Variants in BBS9 observed in about 807,000 individuals in gnomAD.
The protein encoded by BBS9 is protein PTHB1.
In BBS9, 89 loss-of-function variants were observed where a neutral mutation model predicts 117.7. That is an observed-to-expected ratio of 0.76 (90% CI 0.64 to 0.90). The LOEUF is 0.90. BBS9 is among the 40% of genes least tolerant of loss of function. BBS9 has a pLI of 0.00. For synonymous variants in BBS9, 379 were observed against 370.9 expected (o/e 1.02, Z -0.25); for missense variants, 982 against 1,042.2 (o/e 0.94, Z 0.80).
chr7:33,409,351 A>T (rs1213323276), intron 19 of BBS9, among the ~76,000 whole-genome samples: 1 of 152,144 alleles, frequency 6.6e-6, no homozygotes, highest in Non-Finnish European at 1.5e-5. Context: ...ATAGGTAGGG[A>T]TCCAGTTTCA....
intron 5 of BBS9, among the ~76,000 whole-genome samples, chr7:33,193,778 A>T (rs1457579850): frequency 2.0e-5 from 3 of 151,924 alleles, no homozygotes. Flanking sequence ...CTGTCACACT[A>T]CCTGGTTGGT....
intron 1 of BBS9, among the ~76,000 whole-genome samples, chr7:33,134,819 C>T (rs1051170742): frequency 2.0e-5 from 3 of 152,126 alleles, no homozygotes; most frequent in Non-Finnish European, 4.4e-5. Context: ...TCTTCTCAAT[C>T]TCTCAGGCTT....
chr7:33,371,569 G>C (rs1021903791), intron 17 of BBS9, among the ~76,000 whole-genome samples: 4 of 152,148 alleles, frequency 2.6e-5, no homozygotes, highest in Non-Finnish European at 5.9e-5. Context: ...TCATAAGTCC[G>C]TGAAGAAGAG....
chr7:33,228,295 C>T (rs1259164877), intron 5 of BBS9, among the ~76,000 whole-genome samples: 1 of 151,950 alleles, frequency 6.6e-6, no homozygotes, highest in Non-Finnish European at 1.5e-5. Flanking sequence ...ATTGTCTATT[C>T]ATGTCGTTTG....
At chr7:33,491,142 A>T (rs1843840101) in intron 19 of BBS9, among the ~76,000 whole-genome samples, 1 of 152,210 alleles carries the variant, frequency 6.6e-6, no homozygotes, top group Non-Finnish European at 1.5e-5. Context: ...GTAGCCAGGG[A>T]GTATTCTTAG....
intron 7 of BBS9, among the ~76,000 whole-genome samples, chr7:33,271,523 CTG>C (rs1200200131): frequency 6.6e-6 from 1 of 152,120 alleles, no homozygotes; most frequent in Non-Finnish European, 1.5e-5. Context: ...GAAGAAAACT[CTG>C]TGAAGCAAAT....
chr7:33,364,672 C>T (rs1584502599), intron 16 of BBS9, among the ~76,000 whole-genome samples: 1 of 101,494 alleles, frequency 9.9e-6, no homozygotes, highest in Non-Finnish European at 2.0e-5. Context: ...CCTTCCCCCT[C>T]CCATCCTTTC....
At chr7:33,180,749 C>T (rs1381144110) in intron 5 of BBS9, among the ~76,000 whole-genome samples, 1 of 152,146 alleles carries the variant, frequency 6.6e-6, no homozygotes, top group Admixed American at 6.5e-5. Flanking sequence ...CCCATTCTCT[C>T]CTGGAGAACA....
chr7:33,342,656 T>C (rs1816787449), intron 11 of BBS9, among the ~76,000 whole-genome samples: 1 of 152,180 alleles, frequency 6.6e-6, no homozygotes, highest in African/African-American at 2.4e-5. Flanking sequence ...AGTATCATAT[T>C]CATCTCATTG....
At chr7:33,357,118 T>C (rs1330463855) in intron 15 of BBS9, among the ~76,000 whole-genome samples, 4 of 151,804 alleles carry the variant, frequency 2.6e-5, no homozygotes, top group Non-Finnish European at 5.9e-5. Context: ...ATACAAATTC[T>C]AATATGAAAC....
intron 20 of BBS9, 69 bp from the exon 21 acceptor site, chr7:33,533,885 T>C: frequency 6.6e-7 from 1 of 1,506,774 alleles, no homozygotes; most frequent in Non-Finnish European, 9.2e-7. Flanking sequence ...ATAATCTGTA[T>C]AATACATCAA....
chr7:33,229,792 G>A (rs1791974913), intron 5 of BBS9, among the ~76,000 whole-genome samples: 1 of 152,072 alleles, frequency 6.6e-6, no homozygotes, highest in African/African-American at 2.4e-5. Context: ...GGATTTCTGG[G>A]TCATGTGATC....
intron 21 of BBS9, among the ~76,000 whole-genome samples, chr7:33,616,362 A>G (rs1385607817): frequency 6.6e-6 from 1 of 150,730 alleles, no homozygotes; most frequent in Non-Finnish European, 1.5e-5. Flanking sequence ...CGCACTACTT[A>G]TGAAAAAGTA....
At chr7:33,320,034 A>T (rs1298924975) in intron 9 of BBS9, among the ~76,000 whole-genome samples, 1 of 152,184 alleles carries the variant, frequency 6.6e-6, no homozygotes, top group African/African-American at 2.4e-5. Context: ...ACAGGCATAC[A>T]ATGCTTAATA....
At chr7:33,363,012 T>G (rs760938089) in intron 16 of BBS9, among the ~76,000 whole-genome samples, 12 of 152,286 alleles carry the variant, frequency 7.9e-5, no homozygotes, top group Non-Finnish European at 1.3e-4. Context: ...TTACAGATCT[T>G]TTGTCAGATA....
At chr7:33,417,994 GA>G (rs1381437731) in intron 19 of BBS9, among the ~76,000 whole-genome samples, 4 of 152,152 alleles carry the variant, frequency 2.6e-5, no homozygotes, top group Non-Finnish European at 5.9e-5. Context: ...TAGGTTCTTT[GA>G]GGACAGGGAC....
At chr7:33,227,506 G>C (rs894125167) in intron 5 of BBS9, among the ~76,000 whole-genome samples, 1 of 151,888 alleles carries the variant, frequency 6.6e-6, no homozygotes, top group African/African-American at 2.4e-5. Flanking sequence ...GTGGTTTTTG[G>C]TTACATAGAT....
At chr7:33,594,365 C>G (rs571633019) in intron 21 of BBS9, among the ~76,000 whole-genome samples, 46 of 152,204 alleles carry the variant, frequency 3.0e-4, no homozygotes, top group Middle Eastern at 6.8e-3. Flanking sequence ...ATTGGACACA[C>G]ACTACAGTGA....
At chr7:33,473,426 C>G (rs1841366634) in intron 19 of BBS9, among the ~76,000 whole-genome samples, 1 of 151,444 alleles carries the variant, frequency 6.6e-6, no homozygotes, top group Non-Finnish European at 1.5e-5. Context: ...TGGGTTCAAG[C>G]AGTTCTCCTG....
Sources: allele counts gnomAD v4.1 joint callset (sites outside exome capture counted in the v4.1 genomes callset), GRCh38; gene constraint gnomAD v4.1.1; transcripts MANE v1.5; gene names NCBI Gene and HGNC (gene_info 2026-07-23, HGNC 2026-07-21).